Variants in ATP10B observed in about 807,000 individuals in gnomAD.
The protein encoded by ATP10B is phospholipid-transporting ATPase VB.
Under a neutral mutation model 141.2 loss-of-function variants are expected in ATP10B, and 122 were observed. That is an observed-to-expected ratio of 0.86 (90% CI 0.75 to 1.00). The LOEUF (loss-of-function observed/expected upper bound fraction) is 1.00, where lower values mean the gene tolerates loss of function less well. Ranked by LOEUF, ATP10B falls within the 50% of genes least tolerant of loss-of-function variation. The pLI is 0.00. For missense variants in ATP10B, 1,876 were observed against 1,825.3 expected, an observed-to-expected ratio of 1.03 and a Z score of -0.51; for synonymous variants, 685 against 692.0, an observed-to-expected ratio of 0.99 and a Z score of 0.16.
chr5:160,640,661 C>T lies in ATP10B; in HGVS notation c.869-69G>A, dbSNP rs540781643. On this transcript the variant is annotated intron_variant, in intron 9 of 25. Transcript: ENST00000327245. The stretch of plus-strand genomic sequence containing the variant: ...CCTATGTCTTACACCATTCCCTCAG[C>T]TCTTCTCACAGGAGCTTAAGATAAA... The T allele has an allele frequency of 9.3e-5, 146 of 1,563,354 alleles. No individual in the cohort carries two copies. In the East Asian group the frequency reaches 3.2e-3, roughly 34 times the overall value.
Position 160,565,750 on chromosome 5 carries a change from T to A in ATP10B, c.4089A>T (p.Arg1363=), listed in dbSNP as rs769058900. 1.2e-6 allele frequency: 2 copies of A among 1,613,914 alleles called. No homozygotes were observed. Among genetic ancestry groups the A allele is most frequent in the Non-Finnish European group, 1.7e-6 (2 of 1,179,986 alleles). The change falls in exon 26 of 26, where the codon CGA becomes CGT. Residue 1363 remains arginine, a synonymous_variant. Coordinates refer to ENST00000327245, the MANE Select transcript of ATP10B (RefSeq NM_025153.3). ...TAGATGACACTGGGTGGTGAGTTGG[T>A]CGAGCCACTTCGGGGACAGGGGCAG... ...QRPAPVPEVA[R]PTHHPVSSIT...
chr5:160,569,380 A>G (rs1754734410), intron 25 of ATP10B, 116 bp downstream of exon 25: 1 of 988,788 alleles, frequency 1.0e-6, no homozygotes, highest in South Asian at 1.6e-5. Context: ...TGTTTCTGAA[A>G]CATTAGCCTC....
the ATP10B span, among the ~76,000 whole-genome samples, chr5:160,914,252 T>C: frequency 6.6e-6 from 1 of 152,168 alleles, no homozygotes; most frequent in Non-Finnish European, 1.5e-5. Flanking sequence ...AGAACCAATG[T>C]CAAAGAGGTC....
intron 2 of ATP10B, among the ~76,000 whole-genome samples, chr5:160,755,838 A>AATATATATATATAT (rs1181077522): frequency 1.1e-4 from 5 of 45,406 alleles, no homozygotes; most frequent in African/African-American, 1.5e-4. Context: ...AAAAAAAAAA[A>AATATATATATATAT]ATATATATAT....
chr5:160,767,704 T>A (rs574236468), intron 2 of ATP10B, among the ~76,000 whole-genome samples: 1 of 146,074 alleles, frequency 6.8e-6, no homozygotes, highest in East Asian at 2.2e-4. Flanking sequence ...CTTTAATTAT[T>A]TCACATAAAG....
chr5:160,832,487 T>A (rs1775159571), intron 1 of ATP10B, among the ~76,000 whole-genome samples: 1 of 152,110 alleles, frequency 6.6e-6, no homozygotes, highest in Non-Finnish European at 1.5e-5. Context: ...GTATTTATTT[T>A]AAAATTTACA....
chr5:160,569,226 G>A (rs1016867271), intron 25 of ATP10B, among the ~76,000 whole-genome samples: 4 of 152,296 alleles, frequency 2.6e-5, no homozygotes, highest in South Asian at 4.1e-4. Context: ...AGGCAGGAGG[G>A]TAGGAATTGA....
At chr5:160,653,093 T>C (rs1290116326) in intron 7 of ATP10B, among the ~76,000 whole-genome samples, 1 of 125,824 alleles carries the variant, frequency 7.9e-6, no homozygotes. Flanking sequence ...ATATTATATA[T>C]ACACGTGTAT....
chr5:160,799,338 C>T (rs1269604550), intron 1 of ATP10B, among the ~76,000 whole-genome samples: 1 of 152,140 alleles, frequency 6.6e-6, no homozygotes, highest in Non-Finnish European at 1.5e-5. Context: ...CTTGAGGTTT[C>T]AAAACATGTC....
At chr5:160,802,770 C>T (rs1478159852) in intron 1 of ATP10B, among the ~76,000 whole-genome samples, 1 of 152,210 alleles carries the variant, frequency 6.6e-6, no homozygotes, top group Admixed American at 6.5e-5. Context: ...TGGTTTCAGA[C>T]TTGCAACCGC....
At chr5:160,609,130 T>G (rs773499602) in intron 18 of ATP10B, among the ~76,000 whole-genome samples, 3 of 152,144 alleles carry the variant, frequency 2.0e-5, no homozygotes, top group Non-Finnish European at 4.4e-5. Flanking sequence ...ATTGTTTTCT[T>G]CACATAGGTC....
At position 160,670,561 on chromosome 5, in the gene ATP10B, A is replaced by T. The variant is rs189320711; in HGVS notation, c.577T>A (p.Ser193Thr). The T allele has an allele frequency of 6.2e-7, 1 of 1,614,018 alleles. No individual in the cohort carries two copies. Among genetic ancestry groups the T allele is most frequent in the Non-Finnish European group, 8.5e-7 (1 of 1,179,938 alleles). ...TGGCATATCCCATTGGGGTCAGAGG[A>T]AAAAAGGAGGAGTATGTCTGCTGGG... ...IVPADILLLFSSDPNGICHLE... is the reference protein window; with the variant it reads ...IVPADILLLFTSDPNGICHLE... Residue 193 changes from serine to threonine, a missense_variant, in exon 7 of 26, where the codon TCC becomes ACC. Coordinates refer to ENST00000327245, the MANE Select transcript of ATP10B (RefSeq NM_025153.3).
intron 24 of ATP10B, 142 bp downstream of exon 24, chr5:160,589,450 T>C: frequency 1.5e-6 from 1 of 672,732 alleles, no homozygotes; most frequent in Non-Finnish European, 2.7e-6. Context: ...CTTTCATCCC[T>C]GTACAGGTAG....
intron 1 of ATP10B, among the ~76,000 whole-genome samples, chr5:160,787,526 T>A (rs1459394683): frequency 6.6e-6 from 1 of 152,208 alleles, no homozygotes; most frequent in East Asian, 1.9e-4. Context: ...ATAAATAAAA[T>A]GGCACTGCTG....
chr5:160,621,312 C>G (rs963953437), intron 14 of ATP10B, among the ~76,000 whole-genome samples: 1 of 152,142 alleles, frequency 6.6e-6, no homozygotes, highest in Non-Finnish European at 1.5e-5. Flanking sequence ...CATTGAGGTA[C>G]AAAAAGTCTA....
At chr5:160,775,738 T>A (rs1197749830) in intron 2 of ATP10B, among the ~76,000 whole-genome samples, 1 of 146,390 alleles carries the variant, frequency 6.8e-6, no homozygotes, top group Admixed American at 7.2e-5. Context: ...TGGAGTGCAG[T>A]GGCGCGATCT....
At chr5:160,914,787 A>C in the ATP10B span, among the ~76,000 whole-genome samples, 3 of 152,172 alleles carry the variant, frequency 2.0e-5, no homozygotes, top group African/African-American at 7.2e-5. Flanking sequence ...ACTTTCTGCA[A>C]TTTTAATGCA....
chr5:160,872,461 G>A, the ATP10B span, among the ~76,000 whole-genome samples: 4 of 152,276 alleles, frequency 2.6e-5, no homozygotes, highest in East Asian at 5.8e-4. Flanking sequence ...CTAAACCAAT[G>A]TCTAGAAAGG....
chr5:160,719,643 C>G (rs1765877914), intron 2 of ATP10B, among the ~76,000 whole-genome samples: 3 of 152,204 alleles, frequency 2.0e-5, no homozygotes, highest in Admixed American at 2.0e-4. Flanking sequence ...GAGCCAGTGA[C>G]TTGTTTGAAC....
Sources: allele counts gnomAD v4.1 joint callset (sites outside exome capture counted in the v4.1 genomes callset), GRCh38; gene constraint gnomAD v4.1.1; transcripts MANE v1.5; gene names NCBI Gene and HGNC (gene_info 2026-07-23, HGNC 2026-07-21).